SORL1: variants seen among roughly 807,000 people sequenced by gnomAD.
SORL1 encodes the protein sortilin related receptor 1, also known as sortilin-related receptor.
Under a neutral mutation model 273.7 loss-of-function variants are expected in SORL1, and 127 were observed. The observed-to-expected ratio is 0.46, with a 90% CI of 0.40 to 0.54. SORL1 has a LOEUF of 0.54. Among genes scored for constraint, SORL1 ranks in the 20% least tolerant of loss-of-function variants. The pLI, the probability that SORL1 is intolerant of heterozygous loss-of-function variation, is 0.00. For missense variants in SORL1, 2,494 were observed against 2,846.1 expected (o/e 0.88, Z 2.81); for synonymous variants, 1,031 against 1,067.4 (o/e 0.97, Z 0.66).
At chr11:121,463,703 A>C (rs962399473) in intron 1 of SORL1, among the ~76,000 whole-genome samples, 1 of 152,230 alleles carries the variant, frequency 6.6e-6, no homozygotes, top group Admixed American at 6.5e-5. Context: ...TAGGTGAAGC[A>C]TCTTGAGCAA....
chr11:121,607,072 G>GT (rs1162254329), intron 36 of SORL1, 114 bp from the exon 37 acceptor site: 107 of 1,008,130 alleles, frequency 1.1e-4, no homozygotes, highest in African/African-American at 1.6e-5. Flanking sequence ...TGACCCATCC[G>GT]TCAGAACATT....
chr11:121,544,025 A>G (rs1002042714), intron 13 of SORL1, among the ~76,000 whole-genome samples: 1 of 152,180 alleles, frequency 6.6e-6, no homozygotes, highest in African/African-American at 2.4e-5. Flanking sequence ...ACATATTTCC[A>G]AATCAGCAGT....
intron 2 of SORL1, among the ~76,000 whole-genome samples, chr11:121,472,201 A>G (rs1209025885): frequency 1.3e-5 from 2 of 152,250 alleles, no homozygotes; most frequent in Non-Finnish European, 2.9e-5. Context: ...GACTCTTCAT[A>G]GACACCTGTG....
chr11:121,534,305 T>G (rs1214480757), intron 12 of SORL1, among the ~76,000 whole-genome samples: 1 of 152,238 alleles, frequency 6.6e-6, no homozygotes, highest in Non-Finnish European at 1.5e-5. Flanking sequence ...AGTGTGATTC[T>G]AGTCCTCTTA....
In SORL1 at chr11:121,630,912, G is replaced by C. The variant is rs113244743; in HGVS notation, c.*1349G>C. 6.6e-6 allele frequency: 1 copy of C among 152,242 alleles called. No homozygotes were observed. Among genetic ancestry groups the C allele is most frequent in the African/African-American group, 2.4e-5 (1 of 41,444 alleles). The allele number at this position is 152,242 out of a possible 1,614,324, so 9.4% of individuals were successfully genotyped here. ...GATGCAAGCCCTTTATTTAGGCTTA[G>C]TGTTGTGGGCACCAATGTCGAGCAT... On this transcript the variant is annotated 3_prime_UTR_variant, in exon 48 of 48. Transcript: ENST00000260197.
In SORL1 at chr11:121,590,181, G is replaced by A. The variant is rs1384308187; in HGVS notation, c.4213+7G>A. The A allele has an allele frequency of 6.2e-7, 1 of 1,613,790 alleles. No individual in the cohort carries two copies. Among genetic ancestry groups the A allele is most frequent in the East Asian group, 2.2e-5 (1 of 44,870 alleles). On this transcript the variant is annotated splice_region_variant and intron_variant, in intron 30 of 47. Transcript: ENST00000260197. Reference sequence around the variant, plus strand: ...GATGAGAAGGATTGTGGAGGTAAGAGGCCCCTGGGGCCTGGGTTAGCCCCA... The same window carrying A: ...GATGAGAAGGATTGTGGAGGTAAGAAGCCCCTGGGGCCTGGGTTAGCCCCA...
intron 5 of SORL1, among the ~76,000 whole-genome samples, chr11:121,495,789 T>A (rs77246297): frequency 0.018 from 2,747 of 152,304 alleles, 35 homozygotes; most frequent in Non-Finnish European, 0.028. Context: ...TCATTCTATG[T>A]TTTCATTTTG....
intron 47 of SORL1, among the ~76,000 whole-genome samples, chr11:121,628,653 A>G (rs1004663381): frequency 6.6e-6 from 1 of 152,226 alleles, no homozygotes; most frequent in Non-Finnish European, 1.5e-5. Context: ...TCTTTGCACA[A>G]TGAAAACCCT....
intron 6 of SORL1, among the ~76,000 whole-genome samples, chr11:121,502,394 C>T (rs1230410281): frequency 6.6e-6 from 1 of 152,066 alleles, no homozygotes; most frequent in Non-Finnish European, 1.5e-5. Flanking sequence ...CCTCGGACTC[C>T]CAAAGTGCTG....
At chr11:121,544,740 GC>G (rs1169324654) in intron 13 of SORL1, among the ~76,000 whole-genome samples, 2 of 152,172 alleles carry the variant, frequency 1.3e-5, no homozygotes, top group Non-Finnish European at 2.9e-5. Flanking sequence ...GAGTGATGGT[GC>G]AAGGTATCTT....
chr11:121,597,824 G>T (rs915779289), intron 32 of SORL1, among the ~76,000 whole-genome samples: 8 of 152,178 alleles, frequency 5.3e-5, no homozygotes, highest in African/African-American at 1.7e-4. Flanking sequence ...TGTGGTGTAG[G>T]CAGTAGCAGA....
intron 6 of SORL1, among the ~76,000 whole-genome samples, chr11:121,508,087 A>C (rs1223126144): frequency 6.6e-6 from 1 of 152,234 alleles, no homozygotes; most frequent in East Asian, 1.9e-4. Context: ...AGATTTTCTT[A>C]AACTCTTTGA....
chr11:121,461,257 T>C (rs1490534568), intron 1 of SORL1, among the ~76,000 whole-genome samples: 1 of 151,340 alleles, frequency 6.6e-6, no homozygotes, highest in Non-Finnish European at 1.5e-5. Flanking sequence ...GTGGTGGTGG[T>C]GATGGGTGGG....
rs575622422 is a variant in SORL1 at position 121,615,999 on chromosome 11, C to T, written c.5604+944C>T. On this transcript the variant is annotated intron_variant, in intron 41 of 47. Coordinates refer to ENST00000260197, the MANE Select transcript of SORL1 (RefSeq NM_003105.6). The stretch of plus-strand genomic sequence containing the variant: ...GCTCAGGTCTGGCTAATTTAACAGC[C>T]TCTGCTCTTTTGTGTGTCCCAGCAC... Among the ~76,000 whole-genome samples, 133 of 152,298 alleles carry T rather than the reference C, an allele frequency of 8.7e-4. 1 individual carries two copies. The highest frequency in any genetic ancestry group is 3.3e-3 in the Admixed American group (50 of 15,308).
intron 41 of SORL1, among the ~76,000 whole-genome samples, chr11:121,616,520 C>T (rs188749030): frequency 3.4e-4 from 52 of 152,366 alleles, no homozygotes; most frequent in Non-Finnish European, 4.0e-4. Context: ...GGTCACCAGC[C>T]TTGTCCTCGG....
At chr11:121,489,997 G>T (rs1426402681) in intron 4 of SORL1, 46 bp from the exon 5 acceptor site, 1 of 1,421,290 alleles carries the variant, frequency 7.0e-7, no homozygotes, top group Admixed American at 1.7e-5. Flanking sequence ...TGCCATTCAG[G>T]TTGTATTATA....
At chr11:121,535,082 G>A (rs1284851178) in intron 12 of SORL1, among the ~76,000 whole-genome samples, 4 of 119,280 alleles carry the variant, frequency 3.4e-5, no homozygotes, top group Non-Finnish European at 3.6e-5. Flanking sequence ...ATCCAAGATT[G>A]CTTATGGTTT....
At chr11:121,612,885 A>G in intron 40 of SORL1, 53 bp downstream of exon 40, 4 of 1,294,764 alleles carry the variant, frequency 3.1e-6, no homozygotes, top group Non-Finnish European at 4.5e-6. Context: ...AGGCTGGACC[A>G]ATGCTTTCCC....
At position 121,460,153 on chromosome 11, in the gene SORL1, C is replaced by G. The variant is rs562679179; in HGVS notation, c.285+7537C>G. Among the ~76,000 whole-genome samples the G allele has an allele frequency of 1.2e-3, 184 of 152,244 alleles. 1 individual carries two copies. The highest frequency in any genetic ancestry group is 2.9e-3 in the African/African-American group (122 of 41,548). The stretch of plus-strand genomic sequence containing the variant: ...CAATATGTTGTTTATTATCTCCCCC[C>G]CTTTCTGGGGGTTTTTTAAATGAAG... On this transcript the variant is annotated intron_variant, in intron 1 of 47. Coordinates refer to ENST00000260197, the MANE Select transcript of SORL1 (RefSeq NM_003105.6).
Sources: gnomAD v4.1 joint callset for allele counts (sites outside exome capture counted in the v4.1 genomes callset) on GRCh38, gnomAD v4.1.1 for gene constraint, MANE v1.5 for transcripts, NCBI Gene and HGNC (gene_info 2026-07-23, HGNC 2026-07-21) for gene names.